ENOX1: variants seen among roughly 807,000 people sequenced by gnomAD.
ENOX1 encodes the protein candidate growth-related and time keeping constitutive hydroquinone (NADH) oxidase.
Under a neutral mutation model 82.5 loss-of-function variants are expected in ENOX1, and 42 were observed. The ratio of observed to expected loss-of-function variants is 0.51; its 90% CI spans 0.40 to 0.66. ENOX1 has a LOEUF of 0.66. ENOX1 is among the 30% of genes least tolerant of loss of function. The probability of loss-of-function intolerance (pLI) is 0.00; values close to 1 mark genes in which losing one functional copy is unlikely to be tolerated. For synonymous variants in ENOX1, 271 were observed against 282.2 expected (o/e 0.96, Z 0.40); for missense variants, 608 against 811.6 (o/e 0.75, Z 3.05).
chr13:43,445,094 A>G (rs980726840), intron 3 of ENOX1, among the ~76,000 whole-genome samples: 2 of 147,580 alleles, frequency 1.4e-5, no homozygotes, highest in Non-Finnish European at 3.0e-5. Flanking sequence ...GAACAATACT[A>G]TGTTCTAGAG....
At chr13:43,738,953 C>A (rs530598559) in intron 1 of ENOX1, among the ~76,000 whole-genome samples, 1 of 152,132 alleles carries the variant, frequency 6.6e-6, no homozygotes, top group Admixed American at 6.5e-5. Context: ...CATGGCTTAG[C>A]GGGGTTGCCC....
intron 14 of ENOX1, among the ~76,000 whole-genome samples, chr13:43,256,824 G>C (rs2043776189): frequency 6.6e-6 from 1 of 152,022 alleles, no homozygotes; most frequent in African/African-American, 2.4e-5. Flanking sequence ...ATATTCAAAA[G>C]AAAGAAAATC....
At position 43,356,075 on chromosome 13, in the gene ENOX1, C is replaced by T. The variant is rs775374458; in HGVS notation, c.667G>A (p.Asp223Asn). ...RLHVDFAQAR[D>N]DFYEWECKQR... ...TTGCATTCCCACTCATAGAAGTCATCCCTGGCCTGGGCAAAGTCCACATGA... is the reference window on the plus strand; with the variant it reads ...TTGCATTCCCACTCATAGAAGTCATTCCTGGCCTGGGCAAAGTCCACATGA... The change falls in exon 8 of 17, where the codon GAT becomes AAT. Residue 223 changes from aspartate (D) to asparagine (N), a missense_variant. Coordinates refer to ENST00000690772, the MANE Select transcript of ENOX1 (RefSeq NM_001347969.2). 1 of 1,614,072 alleles carries T rather than the reference C, an allele frequency of 6.2e-7. No homozygotes were observed. The highest frequency in any genetic ancestry group is 8.5e-7 in the Non-Finnish European group (1 of 1,180,046).
intron 1 of ENOX1, among the ~76,000 whole-genome samples, chr13:43,709,951 A>G (rs2087577704): frequency 6.6e-6 from 1 of 152,212 alleles, no homozygotes; most frequent in Non-Finnish European, 1.5e-5. Context: ...CAAACAGATC[A>G]TTCCTATTTT....
In ENOX1 at chr13:43,667,510, A is replaced by G. The variant is rs1044557100; in HGVS notation, c.-250T>C. 5 of 985,486 alleles carry G rather than the reference A, an allele frequency of 5.1e-6. No homozygotes were observed. The highest frequency in any genetic ancestry group is 6.0e-6 in the Non-Finnish European group (5 of 829,860). 61.0% of individuals were successfully genotyped at this position (985,486 alleles called of 1,614,324 possible). On this transcript the variant is annotated 5_prime_UTR_variant, in exon 2 of 17. Coordinates refer to ENST00000690772, the MANE Select transcript of ENOX1 (RefSeq NM_001347969.2). The stretch of plus-strand genomic sequence containing the variant: ...ATGGTGAGCTCTCTCTCCTCCACAT[A>G]TTATAAATACGACATCATGCTGGCA...
At chr13:43,264,929 G>A (rs1321060302) in intron 14 of ENOX1, among the ~76,000 whole-genome samples, 1 of 152,180 alleles carries the variant, frequency 6.6e-6, no homozygotes, top group Non-Finnish European at 1.5e-5. Context: ...CTACTGTTCT[G>A]GGTGAGGAAC....
In ENOX1 at chr13:43,322,489, C is replaced by T. The variant is rs2047870269; in HGVS notation, c.1156G>A (p.Ala386Thr). ...WRKHSEELRN[A>T]QSEQLMGIRR... ...ATGCCCATGAGCTGCTCACTTTGAG[C>T]ATTCCGGAGCTCCTGCAAGTAGAGG... Residue 386 changes from alanine (A) to threonine (T), a missense_variant, in exon 11 of 17, where the codon GCT (alanine) becomes ACT (threonine). Transcript: ENST00000690772. 2.5e-6 allele frequency: 4 copies of T among 1,613,424 alleles called. No homozygotes were observed. Among genetic ancestry groups the T allele is most frequent in the South Asian group, 1.1e-5 (1 of 90,936 alleles).
intron 3 of ENOX1, among the ~76,000 whole-genome samples, chr13:43,432,257 A>G (rs903635151): frequency 6.6e-6 from 1 of 152,196 alleles, no homozygotes; most frequent in African/African-American, 2.4e-5. Context: ...TCAAATGCAA[A>G]CAAATAAACA....
At chr13:43,369,032 T>TC (rs1162445469) in intron 5 of ENOX1, among the ~76,000 whole-genome samples, 1 of 59,194 alleles carries the variant, frequency 1.7e-5, no homozygotes, top group Admixed American at 1.5e-4. Context: ...TTGCCCATTC[T>TC]TTTTTTTTTA....
chr13:43,527,992 T>A, intron 2 of ENOX1, among the ~76,000 whole-genome samples: 1 of 152,152 alleles, frequency 6.6e-6, no homozygotes, highest in Non-Finnish European at 1.5e-5. Context: ...TCTGTCATAA[T>A]TTTCCAAGAG....
chr13:43,607,149 AC>A (rs923487085), intron 2 of ENOX1, among the ~76,000 whole-genome samples: 1 of 152,124 alleles, frequency 6.6e-6, no homozygotes, highest in African/African-American at 2.4e-5. Flanking sequence ...AGAGATGGAT[AC>A]CCCATTTACC....
chr13:43,233,984 A>C (rs57292542), intron 15 of ENOX1, among the ~76,000 whole-genome samples: 8,903 of 152,298 alleles, frequency 0.058, 346 homozygotes, highest in East Asian at 0.15. Flanking sequence ...GTGCATGAGA[A>C]TTCTTCAGAA....
At chr13:43,704,501 T>G (rs2087124718) in intron 1 of ENOX1, among the ~76,000 whole-genome samples, 2 of 152,170 alleles carry the variant, frequency 1.3e-5, no homozygotes, top group Admixed American at 1.3e-4. Flanking sequence ...GATCTACTTT[T>G]ATACATCTTT....
At chr13:43,457,750 G>A (rs555310261) in intron 3 of ENOX1, among the ~76,000 whole-genome samples, 80 of 152,028 alleles carry the variant, frequency 5.3e-4, no homozygotes, top group African/African-American at 1.8e-3. Context: ...GTCAAACTAC[G>A]TTTTATCAGT....
intron 2 of ENOX1, among the ~76,000 whole-genome samples, chr13:43,613,132 A>C (rs1023274208): frequency 3.9e-5 from 6 of 152,148 alleles, no homozygotes; most frequent in African/African-American, 1.4e-4. Context: ...GTGATAACAA[A>C]TTTAGATGAG....
intron 2 of ENOX1, among the ~76,000 whole-genome samples, chr13:43,489,309 G>A (rs147742742): frequency 9.9e-5 from 15 of 152,246 alleles, no homozygotes; most frequent in Non-Finnish European, 1.8e-4. Flanking sequence ...ATTCTGTTAC[G>A]GCATTCCTCA....
intron 14 of ENOX1, among the ~76,000 whole-genome samples, chr13:43,251,443 A>C (rs143673665): frequency 2.7e-3 from 417 of 152,324 alleles, no homozygotes; most frequent in Non-Finnish European, 4.7e-3. Context: ...GCATAGGCTC[A>C]TTACTGTGTT....
chr13:43,334,447 T>C (rs2048584055), intron 9 of ENOX1, among the ~76,000 whole-genome samples: 2 of 152,168 alleles, frequency 1.3e-5, no homozygotes, highest in Admixed American at 1.3e-4. Flanking sequence ...GGGCCAAATA[T>C]GCAGCTGGTC....
At chr13:43,538,554 G>A (rs2078566440) in intron 2 of ENOX1, among the ~76,000 whole-genome samples, 1 of 152,096 alleles carries the variant, frequency 6.6e-6, no homozygotes, top group Non-Finnish European at 1.5e-5. Flanking sequence ...AAATTACATT[G>A]AGTCAATCTT....
Sources: gnomAD v4.1 joint callset for allele counts (sites outside exome capture counted in the v4.1 genomes callset) on GRCh38, gnomAD v4.1.1 for gene constraint, MANE v1.5 for transcripts, NCBI Gene and HGNC (gene_info 2026-07-23, HGNC 2026-07-21) for gene names.